Variants in GUCY1A1 observed in about 807,000 individuals in gnomAD.
GUCY1A1 encodes guanylate cyclase soluble subunit alpha-1.
GUCY1A1 carries 48 observed loss-of-function variants against 64.5 expected under a neutral mutation model. That is an observed-to-expected ratio of 0.74 (90% CI 0.59 to 0.95). The LOEUF (loss-of-function observed/expected upper bound fraction) is 0.95, where lower values mean the gene tolerates loss of function less well. Ranked by LOEUF, GUCY1A1 falls within the 40% of genes least tolerant of loss-of-function variation. The pLI is 0.00. For missense variants in GUCY1A1, 804 were observed against 825.3 expected (o/e 0.97, Z 0.32); for synonymous variants, 308 against 303.4 (o/e 1.02, Z -0.16).
chr4:155,723,286 T>G (rs1734210514), intron 9 of GUCY1A1, among the ~76,000 whole-genome samples: 1 of 152,160 alleles, frequency 6.6e-6, no homozygotes, highest in Non-Finnish European at 1.5e-5. Flanking sequence ...ATTGCAGTTT[T>G]ATGGACTGGC....
intron 8 of GUCY1A1, 67 bp downstream of exon 8, chr4:155,717,369 C>T (rs1305609667): frequency 1.7e-6 from 2 of 1,189,112 alleles, no homozygotes; most frequent in Non-Finnish European, 2.3e-6. Context: ...ATTACCAAAA[C>T]CATGGTGTAT....
At chr4:155,705,155 T>C (rs1209836759) in intron 4 of GUCY1A1, among the ~76,000 whole-genome samples, 1 of 152,234 alleles carries the variant, frequency 6.6e-6, no homozygotes, top group Non-Finnish European at 1.5e-5. Flanking sequence ...CCTCCAAAAC[T>C]GCTAGGATTA....
At chr4:155,685,444 A>C (rs1728851514) in intron 2 of GUCY1A1, among the ~76,000 whole-genome samples, 1 of 151,974 alleles carries the variant, frequency 6.6e-6, no homozygotes. Context: ...TGGACATAGA[A>C]ATTTAGGTCT....
intron 4 of GUCY1A1, among the ~76,000 whole-genome samples, chr4:155,705,750 A>G (rs866943692): frequency 3.9e-5 from 6 of 152,256 alleles, no homozygotes; most frequent in Middle Eastern, 3.4e-3. Context: ...TCTGTGGATC[A>G]TATGTGCTTG....
chr4:155,671,493 T>C (rs1490034548), intron 2 of GUCY1A1, among the ~76,000 whole-genome samples: 1 of 152,168 alleles, frequency 6.6e-6, no homozygotes, highest in Non-Finnish European at 1.5e-5. Context: ...TAATGTCATA[T>C]CAAATTCTCC....
At position 155,713,414 on chromosome 4, in the gene GUCY1A1, A is replaced by G. The variant is rs190335611; in HGVS notation, c.1403A>G (p.Gln468Arg). 20 of 1,614,038 alleles carry G rather than the reference A, an allele frequency of 1.2e-5. No homozygotes were observed. The Admixed American group carries it at 3.3e-4, about 27-fold the overall frequency. Residue 468 changes from glutamine to arginine, a missense_variant, in exon 7 of 10, where the codon CAA (glutamine) becomes CGA (arginine). By Grantham distance (43) the Gln-to-Arg change is conservative. Transcript: ENST00000506455. ...FPCEVAQQLWQGQVVQAKKFS... is the reference protein window; with the variant it reads ...FPCEVAQQLWRGQVVQAKKFS... ...TGTGAGGTTGCTCAGCAGCTGTGGC[A>G]AGGGCAAGTTGTGCAAGCCAAGAAG... is the stretch of plus-strand genomic sequence containing the variant.
chr4:155,707,750 A>G (rs1433952359), intron 4 of GUCY1A1, among the ~76,000 whole-genome samples: 1 of 152,076 alleles, frequency 6.6e-6, no homozygotes, highest in Non-Finnish European at 1.5e-5. Context: ...TGGATGGTAT[A>G]TGTCATTGCT....
intron 2 of GUCY1A1, among the ~76,000 whole-genome samples, chr4:155,691,184 A>G (rs960778882): frequency 6.6e-6 from 1 of 152,240 alleles, no homozygotes; most frequent in Admixed American, 6.5e-5. Context: ...AACACAGCCC[A>G]TAAAGCCAAC....
At chr4:155,715,471 G>T (rs138746481) in intron 7 of GUCY1A1, among the ~76,000 whole-genome samples, 3 of 152,148 alleles carry the variant, frequency 2.0e-5, no homozygotes, top group Non-Finnish European at 4.4e-5. Flanking sequence ...GCATGGGTGC[G>T]CAGTGGCTAC....
Position 155,710,697 on chromosome 4 carries a change from G to A in GUCY1A1, c.532G>A (p.Glu178Lys). ...TLLKQSSHCQ[E>K]AGKRGRLEDA... is the part of the protein sequence containing the mutation. ...TCTGAAACAGAGCAGCCATTGCCAA[G>A]AAGCAGGAAAAAGGGGCAGGCTTGA... Residue 178 changes from glutamate (E) to lysine (K), a missense_variant, in exon 6 of 10, where the codon GAA becomes AAA. Coordinates refer to ENST00000506455, the MANE Select transcript of GUCY1A1 (RefSeq NM_001130682.3). The A allele has an allele frequency of 6.2e-7, 1 of 1,614,096 alleles. No homozygotes were observed. Among genetic ancestry groups the A allele is most frequent in the Non-Finnish European group, 8.5e-7 (1 of 1,180,012 alleles).
At chr4:155,721,874 TA>T (rs1733997064) in intron 8 of GUCY1A1, among the ~76,000 whole-genome samples, 163 bp from the exon 9 acceptor site, 1 of 152,190 alleles carries the variant, frequency 6.6e-6, no homozygotes, top group African/African-American at 2.4e-5. Flanking sequence ...TAGTAATTTT[TA>T]ATTGCATGTG....
Position 155,730,646 on chromosome 4 carries a change from A to G in GUCY1A1, c.*415A>G, listed in dbSNP as rs1735439052. The G allele has an allele frequency of 6.5e-6, 1 of 154,538 alleles. No individual in the cohort carries two copies. The highest frequency in any genetic ancestry group is 2.0e-4 in the South Asian group (1 of 4,932). 9.6% of individuals were successfully genotyped at this position (154,538 alleles called of 1,614,324 possible). A position where few individuals can be genotyped will look rare whatever the true frequency, so the allele number is the denominator to read the frequency against. ...TCAAAAAAAAGGTTTTTGAATAGAA[A>G]TTACATTCTTTGACACCCTCAGTTC... On this transcript the variant is annotated 3_prime_UTR_variant, in exon 10 of 10. Transcript: ENST00000506455.
intron 8 of GUCY1A1, among the ~76,000 whole-genome samples, chr4:155,721,189 AGGGG>A (rs1733913831): frequency 6.6e-6 from 1 of 151,710 alleles, no homozygotes; most frequent in African/African-American, 2.4e-5. Context: ...ATTTGGGCCC[AGGGG>A]TTCGAGGTTA....
At chr4:155,682,412 C>T (rs13142527) in intron 2 of GUCY1A1, among the ~76,000 whole-genome samples, 76,468 of 151,958 alleles carry the variant, frequency 0.5, 20,510 homozygotes, top group East Asian at 0.83. Context: ...CACGGTGGCT[C>T]ATGCCTGTAA....
chr4:155,682,726 G>GTGTGTA (rs1735978578), intron 2 of GUCY1A1, among the ~76,000 whole-genome samples: 1 of 143,142 alleles, frequency 7.0e-6, no homozygotes, highest in Non-Finnish European at 1.5e-5. Context: ...GTGTGTGTGT[G>GTGTGTA]TGTATATACC....
chr4:155,686,855 TAA>T (rs1207302720), intron 2 of GUCY1A1, among the ~76,000 whole-genome samples: 1 of 152,228 alleles, frequency 6.6e-6, no homozygotes, highest in Non-Finnish European at 1.5e-5. Context: ...ACTTATTATA[TAA>T]TAGAATTAGA....
chr4:155,718,060 C>T (rs943820308), intron 8 of GUCY1A1, among the ~76,000 whole-genome samples: 3 of 152,162 alleles, frequency 2.0e-5, no homozygotes, highest in African/African-American at 7.2e-5. Flanking sequence ...AGATTCCAGA[C>T]TAATATCTCA....
chr4:155,689,006 C>T (rs1004002489), intron 2 of GUCY1A1, among the ~76,000 whole-genome samples: 8 of 150,116 alleles, frequency 5.3e-5, no homozygotes, highest in Non-Finnish European at 8.9e-5. Context: ...AGTACTTCTA[C>T]GACAGAGCAT....
At chr4:155,699,931 C>G (rs1730868325) in intron 3 of GUCY1A1, among the ~76,000 whole-genome samples, 1 of 152,038 alleles carries the variant, frequency 6.6e-6, no homozygotes, top group Non-Finnish European at 1.5e-5. Context: ...TAATGGAATA[C>G]TAGAGCTTTA....
Sources: gnomAD v4.1 joint callset for allele counts (sites outside exome capture counted in the v4.1 genomes callset) on GRCh38, gnomAD v4.1.1 for gene constraint, MANE v1.5 for transcripts, NCBI Gene and HGNC (gene_info 2026-07-23, HGNC 2026-07-21) for gene names.